Variants in MIER1 observed in about 807,000 individuals in gnomAD.
MIER1 encodes the protein MIER1 transcriptional regulator.
MIER1 carries 40 observed loss-of-function variants against 75.7 expected under a neutral mutation model. That is an observed-to-expected ratio of 0.53 (90% confidence interval 0.41 to 0.69). The LOEUF is 0.69. Ranked by LOEUF, MIER1 falls within the 30% of genes least tolerant of loss-of-function variation. The probability of loss-of-function intolerance (pLI) is 0.00; values close to 1 mark genes in which losing one functional copy is unlikely to be tolerated. For missense variants in MIER1, 574 were observed against 680.2 expected (o/e 0.84, Z 1.74); for synonymous variants, 213 against 223.4 (o/e 0.95, Z 0.42).
intron 2 of MIER1, among the ~76,000 whole-genome samples, chr1:66,928,725 T>C (rs1269158843): frequency 1.3e-5 from 2 of 152,218 alleles, no homozygotes; most frequent in Non-Finnish European, 2.9e-5. Context: ...ATACCTCTGC[T>C]AAAATATTTA....
chr1:66,952,902 C>T (rs530169833), intron 4 of MIER1, among the ~76,000 whole-genome samples: 10 of 152,332 alleles, frequency 6.6e-5, no homozygotes, highest in Non-Finnish European at 1.5e-4. Context: ...ACCTTGGCCT[C>T]CCAAAGTGCT....
intron 3 of MIER1, among the ~76,000 whole-genome samples, chr1:66,943,923 G>A (rs1338063402): frequency 1.3e-5 from 2 of 152,002 alleles, no homozygotes; most frequent in Non-Finnish European, 2.9e-5. Context: ...TTCAAATTCC[G>A]TCTTTGCCAT....
At chr1:66,971,790 C>A in intron 10 of MIER1, 54 bp downstream of exon 10, 1 of 990,116 alleles carries the variant, frequency 1.0e-6, no homozygotes, top group Non-Finnish European at 1.5e-6. Context: ...TAAAATTAAG[C>A]TTTTCAGTTT....
At chr1:66,977,926 C>T (rs1055603871) in intron 12 of MIER1, among the ~76,000 whole-genome samples, 8 of 151,954 alleles carry the variant, frequency 5.3e-5, no homozygotes, top group African/African-American at 9.7e-5. Context: ...GGGCCAGGTG[C>T]GGTGGCTCAC....
intron 2 of MIER1, among the ~76,000 whole-genome samples, chr1:66,933,447 T>C (rs1391422046): frequency 6.6e-6 from 1 of 152,216 alleles, no homozygotes; most frequent in Admixed American, 6.5e-5. Flanking sequence ...TCTTTCTATT[T>C]AAGTATTTTA....
Position 66,986,088 on chromosome 1 carries a change from C to A in MIER1, c.*1188C>A. ...GTCAAGTGATACTTAGATATTGGCA[C>A]ACACAAGGAACAACTGTTGGCAGGC... On this transcript the variant is annotated 3_prime_UTR_variant, in exon 14 of 14. Transcript: ENST00000401041. 1 of 1,053,334 alleles carries A rather than the reference C, an allele frequency of 9.5e-7. No homozygotes were observed. Among genetic ancestry groups the A allele is most frequent in the South Asian group, 3.7e-5 (1 of 27,028 alleles). 65.2% of individuals were successfully genotyped at this position (1,053,334 alleles called of 1,614,324 possible).
chr1:66,946,625 T>C, intron 4 of MIER1: 4 of 1,006,690 alleles, frequency 4.0e-6, no homozygotes, highest in Non-Finnish European at 4.7e-6. Context: ...AGTTACCATA[T>C]CTTTTACTTA....
At position 66,930,175 on chromosome 1, in the gene MIER1, T is replaced by A. The variant is rs955101582; in HGVS notation, c.168+3933T>A. On this transcript the variant is annotated intron_variant, in intron 2 of 13. Transcript: ENST00000401041. The stretch of plus-strand genomic sequence containing the variant: ...TGCTCCGGCGCGTGCTCGCTGGTCT[T>A]TTCCCTCCAGTCCAGCCCAGCCGGG... 3.2e-5 allele frequency: 42 copies of A among 1,301,498 alleles called. 1 individual carries two copies. The African/African-American group carries it at 3.8e-4, about 12-fold the overall frequency. 80.6% of individuals were successfully genotyped at this position (1,301,498 alleles called of 1,614,324 possible).
rs899671747 is a variant in MIER1 at position 66,987,756 on chromosome 1, A to G, written c.*2856A>G. 1.3e-5 allele frequency: 2 copies of G among 149,016 alleles called. No individual in the cohort carries two copies. The highest frequency in any genetic ancestry group is 2.6e-5 in the African/African-American group (1 of 39,006). The allele number at this position is 149,016 out of a possible 1,614,324, so 9.2% of individuals were successfully genotyped here. On this transcript the variant is annotated 3_prime_UTR_variant, in exon 14 of 14. Transcript: ENST00000401041. ...TGTTTGAATGATGCATGTTATTGAC[A>G]AGGCAAATATATATATATACACAGT...
chr1:66,964,157 C>T (rs1459055150), intron 8 of MIER1, among the ~76,000 whole-genome samples: 3 of 150,632 alleles, frequency 2.0e-5, no homozygotes, highest in African/African-American at 7.3e-5. Flanking sequence ...CTGCAACCTC[C>T]ACCTCCTGGG....
chr1:66,947,820 C>T (rs967653608), intron 4 of MIER1: 31 of 536,250 alleles, frequency 5.8e-5, no homozygotes, highest in Admixed American at 6.4e-5. Context: ...TCTGTTATAG[C>T]CACACTAGCT....
At chr1:66,954,923 G>A (rs1036125313) in intron 4 of MIER1, among the ~76,000 whole-genome samples, 1 of 152,080 alleles carries the variant, frequency 6.6e-6, no homozygotes, top group African/African-American at 2.4e-5. Flanking sequence ...TGGCCAGGCT[G>A]GTCTCGAACT....
chr1:66,946,016 C>T, intron 3 of MIER1, 134 bp from the exon 4 acceptor site: 1 of 675,978 alleles, frequency 1.5e-6, no homozygotes, highest in East Asian at 3.2e-5. Context: ...AAAAGCAATA[C>T]ATAATAGTTG....
intron 4 of MIER1, chr1:66,948,158 C>T (rs1658108441): frequency 1.1e-6 from 1 of 882,416 alleles, no homozygotes; most frequent in Non-Finnish European, 1.4e-6. Context: ...TTTCATGGTA[C>T]CTTGCAAGAG....
intron 11 of MIER1, among the ~76,000 whole-genome samples, chr1:66,973,214 A>ATTT (rs947002528): frequency 2.0e-5 from 3 of 152,022 alleles, no homozygotes; most frequent in Non-Finnish European, 2.9e-5. Flanking sequence ...GTGTTTAAGA[A>ATTT]TTGTACTCAT....
intron 13 of MIER1, among the ~76,000 whole-genome samples, chr1:66,982,508 G>C (rs182912415): frequency 4.9e-4 from 74 of 152,340 alleles, no homozygotes; most frequent in Admixed American, 2.4e-3. Flanking sequence ...CAGTGGACCA[G>C]AGATCACTGT....
chr1:66,945,195 GAC>G (rs1657209994), intron 3 of MIER1, among the ~76,000 whole-genome samples: 1 of 150,716 alleles, frequency 6.6e-6, no homozygotes, highest in South Asian at 2.1e-4. Flanking sequence ...TCAAATCCCT[GAC>G]ACAAAATGCA....
chr1:66,965,282 A>T (rs942520449), intron 8 of MIER1, among the ~76,000 whole-genome samples: 1 of 152,108 alleles, frequency 6.6e-6, no homozygotes, highest in Admixed American at 6.5e-5. Context: ...TTCACCATTG[A>T]GGTTTTTCTT....
intron 9 of MIER1, 72 bp from the exon 10 acceptor site, chr1:66,971,583 A>G: frequency 1.3e-6 from 1 of 787,590 alleles, no homozygotes; most frequent in Non-Finnish European, 2.1e-6. Context: ...GATGTTTGAA[A>G]AACTTTTAAG....
Sources: allele counts gnomAD v4.1 joint callset (sites outside exome capture counted in the v4.1 genomes callset), GRCh38; gene constraint gnomAD v4.1.1; transcripts MANE v1.5; gene names NCBI Gene and HGNC (gene_info 2026-07-23, HGNC 2026-07-21).